Variants in TMEM108 observed in about 807,000 individuals in gnomAD.
The protein encoded by TMEM108 is cancer/testis antigen 124.
Under a neutral mutation model 35.1 loss-of-function variants are expected in TMEM108, and 12 were observed. That is an observed-to-expected ratio of 0.34 (90% CI 0.22 to 0.55). TMEM108 has a LOEUF of 0.55. Among genes scored for constraint, TMEM108 ranks in the 20% least tolerant of loss-of-function variants. The probability of loss-of-function intolerance (pLI) is 0.89; values close to 1 mark genes in which losing one functional copy is unlikely to be tolerated. For synonymous variants in TMEM108, 287 were observed against 308.6 expected, an observed-to-expected ratio of 0.93 and a Z score of 0.73; for missense variants, 680 against 753.3, an observed-to-expected ratio of 0.90 and a Z score of 1.14.
chr3:133,319,364 C>T (rs1293828025), intron 3 of TMEM108, among the ~76,000 whole-genome samples: 1 of 152,174 alleles, frequency 6.6e-6, no homozygotes, highest in Admixed American at 6.5e-5. Flanking sequence ...AGCTTATATC[C>T]CACTTCTGTT....
intron 4 of TMEM108, chr3:133,388,224 C>G: frequency 1.0e-6 from 1 of 985,474 alleles, no homozygotes; most frequent in Non-Finnish European, 1.2e-6. Flanking sequence ...GGTGTTTCAC[C>G]ATGCCAGCTG....
intron 4 of TMEM108, among the ~76,000 whole-genome samples, chr3:133,382,622 G>T (rs1219686955): frequency 6.6e-6 from 1 of 152,236 alleles, no homozygotes; most frequent in African/African-American, 2.4e-5. Context: ...TCTGCTGGTT[G>T]TATTGGCTTC....
chr3:133,243,759 G>C (rs536162147), intron 3 of TMEM108, among the ~76,000 whole-genome samples: 1 of 82,154 alleles, frequency 1.2e-5, no homozygotes, highest in Non-Finnish European at 2.5e-5. Context: ...TCCTGACCTC[G>C]TGATCCACCC....
At chr3:133,359,421 T>G (rs972074908) in intron 3 of TMEM108, among the ~76,000 whole-genome samples, 4 of 152,146 alleles carry the variant, frequency 2.6e-5, no homozygotes, top group Non-Finnish European at 5.9e-5. Context: ...AGAACACACT[T>G]TGGGAAATGG....
At chr3:133,175,579 A>C (rs1170834629) in intron 2 of TMEM108, among the ~76,000 whole-genome samples, 1 of 145,722 alleles carries the variant, frequency 6.9e-6, no homozygotes, top group Non-Finnish European at 1.5e-5. Flanking sequence ...ACTAAGCTTC[A>C]TAAGTGAAGG....
At chr3:133,223,126 G>A (rs774079608) in intron 2 of TMEM108, among the ~76,000 whole-genome samples, 2 of 152,142 alleles carry the variant, frequency 1.3e-5, no homozygotes, top group Non-Finnish European at 2.9e-5. Flanking sequence ...TTATTCTTTG[G>A]TGGTGTCATG....
intron 2 of TMEM108, among the ~76,000 whole-genome samples, chr3:133,106,162 T>G (rs1944148961): frequency 6.7e-6 from 1 of 150,180 alleles, no homozygotes; most frequent in Non-Finnish European, 1.5e-5. Flanking sequence ...GACTTCCAAT[T>G]GAGAGGTTAA....
At chr3:133,289,926 A>G (rs990792387) in intron 3 of TMEM108, among the ~76,000 whole-genome samples, 2 of 152,176 alleles carry the variant, frequency 1.3e-5, no homozygotes, top group Non-Finnish European at 2.9e-5. Flanking sequence ...ATTAGAAGCA[A>G]TGTGTGTTTA....
At position 133,388,596 on chromosome 3, in the gene TMEM108, A is replaced by AT. The variant is rs2073188854; in HGVS notation, c.1451-1578dup. ...CAGAAATTCCTTCTATGTTTTAAAG[A>AT]TTTTTTAAAAAGGATCTAGAAGACT... On this transcript the variant is annotated intron_variant, in intron 4 of 5. Transcript: ENST00000321871. 1.4e-5 allele frequency: 14 copies of AT among 985,406 alleles called. No homozygotes were observed. In the South Asian group the frequency reaches 4.7e-4, roughly 33 times the overall value. The allele number at this position is 985,406 out of a possible 1,614,324, so 61.0% of individuals were successfully genotyped here. A position where few individuals can be genotyped will look rare whatever the true frequency, so the allele number is the denominator to read the frequency against.
intron 2 of TMEM108, among the ~76,000 whole-genome samples, chr3:133,177,243 G>A (rs1235618386): frequency 6.6e-6 from 1 of 152,136 alleles, no homozygotes; most frequent in Non-Finnish European, 1.5e-5. Flanking sequence ...GGTACAAGGA[G>A]GAGCTGGTAC....
At chr3:133,390,603 A>G (rs1205760857) in intron 5 of TMEM108, among the ~76,000 whole-genome samples, 22 of 152,146 alleles carry the variant, frequency 1.4e-4, no homozygotes, top group Non-Finnish European at 3.1e-4. Context: ...GTGAACAAAT[A>G]CTCAGTGAGG....
At chr3:133,143,259 T>A (rs1014825168) in intron 2 of TMEM108, among the ~76,000 whole-genome samples, 6 of 152,164 alleles carry the variant, frequency 3.9e-5, no homozygotes, top group Admixed American at 2.6e-4. Flanking sequence ...ATAAATTACT[T>A]AGATATATTC....
chr3:133,177,938 T>C (rs1295294666), intron 2 of TMEM108, among the ~76,000 whole-genome samples: 1 of 152,198 alleles, frequency 6.6e-6, no homozygotes, highest in East Asian at 1.9e-4. Flanking sequence ...CAAAATCTCC[T>C]CAAGCTGATA....
chr3:133,137,838 T>C (rs1248199421), intron 2 of TMEM108, among the ~76,000 whole-genome samples: 1 of 152,160 alleles, frequency 6.6e-6, no homozygotes, highest in Non-Finnish European at 1.5e-5. Context: ...CAGGTCTCCT[T>C]GGTGCCCATC....
chr3:133,381,159 G>T lies in TMEM108; in HGVS notation c.1448G>T (p.Cys483Phe). 6.3e-7 allele frequency: 1 copy of T among 1,592,842 alleles called. No individual in the cohort carries two copies. The highest frequency in any genetic ancestry group is 8.6e-7 in the Non-Finnish European group (1 of 1,166,282). ...ILAISVPISS[C>F]SVLLTVCCMK... ...GCCATCAGCGTGCCCATCTCCTCCT[G>T]CTGTAAGTGCCGCCCTCTCCCACCC... The change falls in exon 4 of 6, where the codon TGC becomes TTC. Residue 483 changes from cysteine (C) to phenylalanine (F), a missense_variant and splice_region_variant. Cys to Phe is a radical substitution (Grantham distance 205). Coordinates refer to ENST00000321871, the MANE Select transcript of TMEM108 (RefSeq NM_023943.4).
chr3:133,079,702 A>T (rs1943786502), intron 2 of TMEM108, among the ~76,000 whole-genome samples: 1 of 152,182 alleles, frequency 6.6e-6, no homozygotes, highest in African/African-American at 2.4e-5. Flanking sequence ...CATTCTGTTT[A>T]TGGCAGCAGG....
chr3:133,304,054 C>T (rs970902243), intron 3 of TMEM108, among the ~76,000 whole-genome samples: 7 of 152,258 alleles, frequency 4.6e-5, no homozygotes, highest in Admixed American at 6.5e-5. Flanking sequence ...TTCTCTGAGC[C>T]CAAATCTGCA....
intron 3 of TMEM108, among the ~76,000 whole-genome samples, chr3:133,330,552 C>T (rs1490823426): frequency 1.3e-5 from 2 of 152,102 alleles, no homozygotes; most frequent in African/African-American, 4.8e-5. Flanking sequence ...TCTGGTTTTA[C>T]AAGAAAGTGA....
chr3:133,369,691 C>T (rs960708758), intron 3 of TMEM108, among the ~76,000 whole-genome samples: 3 of 152,216 alleles, frequency 2.0e-5, no homozygotes, highest in African/African-American at 7.2e-5. Context: ...CAAAGCACAT[C>T]AGTAGGTAAA....
Sources: allele counts gnomAD v4.1 joint callset (sites outside exome capture counted in the v4.1 genomes callset), GRCh38; gene constraint gnomAD v4.1.1; transcripts MANE v1.5; gene names NCBI Gene and HGNC (gene_info 2026-07-23, HGNC 2026-07-21).